Variants in ZNF618 observed in about 807,000 individuals in gnomAD.
ZNF618 encodes zinc finger protein 618, also known as neural precursor cell expressed, developmentally down-regulated 10.
In ZNF618, 34 loss-of-function variants were observed where a neutral mutation model predicts 103.0. That is an observed-to-expected ratio of 0.33 (90% confidence interval 0.25 to 0.44). ZNF618 has a LOEUF of 0.44. ZNF618 is among the 20% of genes least tolerant of loss of function. The pLI, the probability that ZNF618 is intolerant of heterozygous loss-of-function variation, is 1.00. For synonymous variants in ZNF618, 551 were observed against 542.2 expected (o/e 1.02, Z -0.23); for missense variants, 1,059 against 1,295.4 (o/e 0.82, Z 2.80).
chr9:113,995,538 G>T (rs1381480155), intron 3 of ZNF618, among the ~76,000 whole-genome samples: 1 of 152,162 alleles, frequency 6.6e-6, no homozygotes. Flanking sequence ...TGCTTAGAAA[G>T]CTCAGTCACA....
At chr9:113,938,568 T>TC (rs56046622) in intron 1 of ZNF618, among the ~76,000 whole-genome samples, 62,915 of 136,688 alleles carry the variant, frequency 0.46, 14,600 homozygotes, top group Non-Finnish European at 0.52. Context: ...TATTTTCTTT[T>TC]TTTCTTTTTT....
chr9:113,892,601 A>T (rs1829709648), intron 1 of ZNF618, among the ~76,000 whole-genome samples: 4 of 152,238 alleles, frequency 2.6e-5, no homozygotes, highest in Non-Finnish European at 1.5e-5. Flanking sequence ...TTATGTCTTT[A>T]TACCATGCAA....
rs950946489 is a variant in ZNF618 at position 114,054,950 on chromosome 9, G to A, written c.*4783G>A. ...CCGTCCCTTCCCCCCCCACCCCCCC[G>A]CCCACCCACCACGGGTGTCGCTTTA... On this transcript the variant is annotated 3_prime_UTR_variant, in exon 15 of 15. Transcript: ENST00000374126. The A allele has an allele frequency of 3.6e-4, 14 of 39,130 alleles. No individual in the cohort carries two copies. Among genetic ancestry groups the A allele is most frequent in the South Asian group, 8.3e-4 (1 of 1,200 alleles). 2.4% of individuals were successfully genotyped at this position (39,130 alleles called of 1,614,324 possible). A position where few individuals can be genotyped will look rare whatever the true frequency, so the allele number is the denominator to read the frequency against.
intron 9 of ZNF618, chr9:114,016,091 GTATTT>G: frequency 3.2e-6 from 5 of 1,570,732 alleles, no homozygotes; most frequent in Non-Finnish European, 3.5e-6. Flanking sequence ...GTATTTATCA[GTATTT>G]TATAATTTTC....
intron 13 of ZNF618, among the ~76,000 whole-genome samples, chr9:114,037,104 A>G (rs1453427376): frequency 6.6e-6 from 1 of 152,146 alleles, no homozygotes; most frequent in Non-Finnish European, 1.5e-5. Flanking sequence ...ACGGCATAAC[A>G]CAAGTCTCAG....
chr9:113,922,356 A>G (rs75621917), intron 1 of ZNF618, among the ~76,000 whole-genome samples: 4,920 of 152,224 alleles, frequency 0.032, 259 homozygotes, highest in African/African-American at 0.11. Flanking sequence ...CAGAGGGAAG[A>G]TAAGTTGGCA....
chr9:114,002,122 G>T (rs748459109), intron 5 of ZNF618, 49 bp downstream of exon 5: 4 of 1,561,668 alleles, frequency 2.6e-6, no homozygotes, highest in Non-Finnish European at 3.5e-6. Flanking sequence ...ACCTCCCACT[G>T]TCTGCCTGTT....
At chr9:113,895,764 T>G (rs1238322570) in intron 1 of ZNF618, among the ~76,000 whole-genome samples, 1 of 152,140 alleles carries the variant, frequency 6.6e-6, no homozygotes, top group East Asian at 1.9e-4. Context: ...TAGTCCCTGC[T>G]TGGAATGATT....
Position 114,012,795 on chromosome 9 carries a change from C to T in ZNF618, c.755-3900C>T, listed in dbSNP as rs140701900. ...ATGATAAATGGGGAGAACAGGGAGCCGGTTTCAGATAATTGATGTTATAGT... is the reference window on the plus strand; with the variant it reads ...ATGATAAATGGGGAGAACAGGGAGCTGGTTTCAGATAATTGATGTTATAGT... On this transcript the variant is annotated intron_variant, in intron 9 of 14. Coordinates refer to ENST00000374126, the MANE Select transcript of ZNF618 (RefSeq NM_001318042.2). 1.8e-3 allele frequency among the ~76,000 whole-genome samples: 279 copies of T among 152,140 alleles called. 2 individuals are homozygous for T. Among genetic ancestry groups the T allele is most frequent in the African/African-American group, 6.2e-3 (258 of 41,482 alleles).
At chr9:113,938,196 G>T (rs534428770) in intron 1 of ZNF618, among the ~76,000 whole-genome samples, 39 of 142,112 alleles carry the variant, frequency 2.7e-4, no homozygotes, top group Non-Finnish European at 4.7e-4. Flanking sequence ...TTGAGACAGG[G>T]TCTTGCTCTG....
intron 2 of ZNF618, among the ~76,000 whole-genome samples, chr9:113,985,684 C>T (rs551558427): frequency 3.9e-5 from 6 of 152,302 alleles, no homozygotes; most frequent in South Asian, 2.1e-4. Context: ...GGGGCAGCCT[C>T]GGCTGTGGGT....
intron 1 of ZNF618, among the ~76,000 whole-genome samples, chr9:113,950,923 G>C (rs889129599): frequency 7.3e-5 from 11 of 151,564 alleles, no homozygotes; most frequent in African/African-American, 2.7e-4. Context: ...ACTGTCTACT[G>C]TGAGGGTGGC....
At chr9:113,951,234 CAGATT>C (rs1420524078) in intron 1 of ZNF618, among the ~76,000 whole-genome samples, 1 of 150,404 alleles carries the variant, frequency 6.6e-6, no homozygotes, top group Admixed American at 6.6e-5. Context: ...CTTTCCTCAT[CAGATT>C]AAAGGGAGGG....
intron 1 of ZNF618, among the ~76,000 whole-genome samples, chr9:113,946,883 C>T (rs1202234638): frequency 1.3e-5 from 2 of 152,192 alleles, no homozygotes; most frequent in Non-Finnish European, 2.9e-5. Context: ...GAATTCCTGA[C>T]AGGTGTTTGC....
At chr9:113,900,781 C>T (rs1587980117) in intron 1 of ZNF618, among the ~76,000 whole-genome samples, 1 of 114,974 alleles carries the variant, frequency 8.7e-6, no homozygotes, top group Admixed American at 8.4e-5. Flanking sequence ...CTCCTAGCAC[C>T]GTCCTCTCCC....
intron 4 of ZNF618, among the ~76,000 whole-genome samples, chr9:114,000,588 C>CA (rs1483013937): frequency 2.6e-5 from 4 of 152,028 alleles, no homozygotes; most frequent in Non-Finnish European, 5.9e-5. Context: ...GTTGGACCCC[C>CA]CTGAGCTAAG....
At chr9:113,992,298 G>A (rs1840147140) in intron 3 of ZNF618, among the ~76,000 whole-genome samples, 1 of 152,162 alleles carries the variant, frequency 6.6e-6, no homozygotes, top group African/African-American at 2.4e-5. Flanking sequence ...AAGGCCTGAG[G>A]AAAGGATGAG....
intron 1 of ZNF618, among the ~76,000 whole-genome samples, chr9:113,881,574 A>T (rs1298133111): frequency 6.6e-6 from 1 of 152,160 alleles, no homozygotes; most frequent in African/African-American, 2.4e-5. Context: ...TTTTACTCCT[A>T]CAGTACATCT....
intron 1 of ZNF618, among the ~76,000 whole-genome samples, chr9:113,915,936 A>G (rs980573645): frequency 1.3e-5 from 2 of 152,238 alleles, no homozygotes; most frequent in Non-Finnish European, 2.9e-5. Flanking sequence ...GATGCTTATT[A>G]AATATTCGTT....
Sources: gnomAD v4.1 joint callset for allele counts (sites outside exome capture counted in the v4.1 genomes callset) on GRCh38, gnomAD v4.1.1 for gene constraint, MANE v1.5 for transcripts, NCBI Gene and HGNC (gene_info 2026-07-23, HGNC 2026-07-21) for gene names.